SNTB2: variants seen among roughly 807,000 people sequenced by gnomAD.
SNTB2 encodes beta-2-syntrophin.
SNTB2 carries 34 observed loss-of-function variants against 46.2 expected under a neutral mutation model. The observed-to-expected ratio is 0.74, with a 90% CI of 0.56 to 0.98. The LOEUF (loss-of-function observed/expected upper bound fraction) is 0.98. Among genes scored for constraint, SNTB2 ranks in the 50% least tolerant of loss-of-function variants. SNTB2 has a pLI of 0.00. For missense variants in SNTB2, 603 were observed against 731.4 expected (o/e 0.82, Z 2.02); for synonymous variants, 290 against 312.6 (o/e 0.93, Z 0.76).
At chr16:69,197,716 T>A in intron 1 of SNTB2, among the ~76,000 whole-genome samples, 1 of 152,210 alleles carries the variant, frequency 6.6e-6, no homozygotes, top group East Asian at 1.9e-4. Flanking sequence ...TGAAACAAAA[T>A]CTGTTTTACT....
chr16:69,297,352 GC>G (rs1965236604), intron 5 of SNTB2, among the ~76,000 whole-genome samples: 1 of 148,434 alleles, frequency 6.7e-6, no homozygotes, highest in Non-Finnish European at 1.5e-5. Context: ...GGGCACGGTG[GC>G]TCATGCCTAT....
At chr16:69,296,491 C>T (rs1460838193) in intron 5 of SNTB2, among the ~76,000 whole-genome samples, 8 of 151,822 alleles carry the variant, frequency 5.3e-5, no homozygotes, top group Non-Finnish European at 7.4e-5. Context: ...GAGGCCGAGG[C>T]GGGTGGATTA....
At position 69,198,837 on chromosome 16, in the gene SNTB2, T is replaced by C. The variant is rs191109681; in HGVS notation, c.580+11091T>C. The stretch of plus-strand genomic sequence containing the variant: ...TAAATATGAAATAGAGAATGAAGAG[T>C]TAATATGAACTGACTGTACGCAAAT... On this transcript the variant is annotated intron_variant, in intron 1 of 6. Transcript: ENST00000336278. 2.6e-5 allele frequency among the ~76,000 whole-genome samples: 4 copies of C among 152,146 alleles called. No individual in the cohort carries two copies. The East Asian group carries it at 5.8e-4, about 22-fold the overall frequency.
At chr16:69,234,950 G>T (rs551364793) in intron 1 of SNTB2, among the ~76,000 whole-genome samples, 3 of 152,052 alleles carry the variant, frequency 2.0e-5, no homozygotes, top group African/African-American at 4.8e-5. Flanking sequence ...TGATCCACCC[G>T]CTCTGGCCTC....
intron 1 of SNTB2, among the ~76,000 whole-genome samples, chr16:69,243,927 A>ACTT (rs1964643186): frequency 6.6e-6 from 1 of 152,180 alleles, no homozygotes. Flanking sequence ...AATCTTTTTT[A>ACTT]ATAACGTATA....
chr16:69,292,369 T>TAAA (rs1338051003), intron 5 of SNTB2, among the ~76,000 whole-genome samples: 5,861 of 32,046 alleles, frequency 0.18, 1,030 homozygotes, highest in Non-Finnish European at 0.23. Flanking sequence ...TATATATATA[T>TAAA]ATATATATAT....
chr16:69,284,059 CT>C lies in SNTB2; in HGVS notation c.1161del (p.Gly388AlafsTer55). 6.2e-7 allele frequency: 1 copy of C among 1,611,612 alleles called. No individual in the cohort carries two copies. The highest frequency in any genetic ancestry group is 8.5e-7 in the Non-Finnish European group (1 of 1,178,502). On this transcript the variant is annotated frameshift_variant, in exon 5 of 7. Transcript: ENST00000336278. LOFTEE classifies it high-confidence loss of function. ...YPLVATRLVH[S>X]GSGCRSPSLG... ...GTTTGTGGTCCTAGGTTGGTTCATT[CT>C]GGCTCCGGATGTCGATCCCCCTCCC...
At chr16:69,229,811 C>T (rs1278118676) in intron 1 of SNTB2, among the ~76,000 whole-genome samples, 2 of 145,104 alleles carry the variant, frequency 1.4e-5, no homozygotes, top group Non-Finnish European at 3.0e-5. Flanking sequence ...CACTGCACTC[C>T]AGCCTGGGTG....
At chr16:69,245,564 A>T (rs1333925924) in intron 1 of SNTB2, 38 bp from the exon 2 acceptor site, 3 of 1,596,078 alleles carry the variant, frequency 1.9e-6, no homozygotes, top group Non-Finnish European at 2.6e-6. Context: ...ATAGGAAGCA[A>T]AATTACTAAC....
chr16:69,272,104 G>GA (rs369122756), intron 4 of SNTB2, among the ~76,000 whole-genome samples: 1 of 152,102 alleles, frequency 6.6e-6, no homozygotes, highest in African/African-American at 2.4e-5. Flanking sequence ...GTTAACAAGA[G>GA]AAAAAATAGA....
At chr16:69,281,484 G>GT (rs1965043374) in intron 4 of SNTB2, among the ~76,000 whole-genome samples, 3 of 131,710 alleles carry the variant, frequency 2.3e-5, no homozygotes, top group Admixed American at 7.4e-5. Flanking sequence ...TGTAAGGTCT[G>GT]GTTTTTTTTT....
intron 1 of SNTB2, among the ~76,000 whole-genome samples, chr16:69,189,716 G>GC (rs1417502870): frequency 6.6e-6 from 1 of 152,206 alleles, no homozygotes; most frequent in Non-Finnish European, 1.5e-5. Flanking sequence ...CAGCATGGAT[G>GC]CCCAGCCTGG....
chr16:69,232,371 A>AATTTT, intron 1 of SNTB2, among the ~76,000 whole-genome samples: 1 of 150,506 alleles, frequency 6.6e-6, no homozygotes. Context: ...ACGCCCGGCT[A>AATTTT]ATTTTTTGTA....
chr16:69,204,378 G>A (rs1302734414), intron 1 of SNTB2, among the ~76,000 whole-genome samples: 3 of 152,196 alleles, frequency 2.0e-5, no homozygotes, highest in African/African-American at 4.8e-5. Context: ...TCTTTGGGTT[G>A]TGTGCCATCA....
intron 5 of SNTB2, among the ~76,000 whole-genome samples, chr16:69,286,848 C>T (rs1965108238): frequency 6.6e-6 from 1 of 152,108 alleles, no homozygotes; most frequent in Non-Finnish European, 1.5e-5. Flanking sequence ...AGCCACTGTA[C>T]TCCAGCCTGG....
At chr16:69,298,792 G>T (rs145669591) in intron 5 of SNTB2, among the ~76,000 whole-genome samples, 3,226 of 152,104 alleles carry the variant, frequency 0.021, 121 homozygotes, top group African/African-American at 0.073. Context: ...AAAGTGCTGG[G>T]ATTACAGGTG....
rs1965302285 is a variant in SNTB2 at position 69,304,658 on chromosome 16, C to T, written c.*3734C>T. 6.6e-6 allele frequency: 1 copy of T among 151,690 alleles called. No individual in the cohort carries two copies. Among genetic ancestry groups the T allele is most frequent in the African/African-American group, 2.4e-5 (1 of 41,414 alleles). 9.4% of individuals were successfully genotyped at this position (151,690 alleles called of 1,614,324 possible). On this transcript the variant is annotated 3_prime_UTR_variant, in exon 7 of 7. Transcript: ENST00000336278. ...CTTAGCTGATAAACCAGAATTTGTT[C>T]TTTTTTTTCCTTCTTTTTTTTTTGA...
intron 5 of SNTB2, among the ~76,000 whole-genome samples, chr16:69,298,558 G>A (rs1965248776): frequency 1.9e-5 from 2 of 106,466 alleles, no homozygotes; most frequent in Non-Finnish European, 1.7e-5. Context: ...TCTCGCTCTT[G>A]TCACCCAGGC....
chr16:69,231,597 A>G (rs1964507035), intron 1 of SNTB2, among the ~76,000 whole-genome samples: 1 of 152,250 alleles, frequency 6.6e-6, no homozygotes, highest in Non-Finnish European at 1.5e-5. Context: ...CTCAAAACAA[A>G]TGAACAAACA....
Sources: allele counts gnomAD v4.1 joint callset (sites outside exome capture counted in the v4.1 genomes callset), GRCh38; gene constraint gnomAD v4.1.1; transcripts MANE v1.5; gene names NCBI Gene and HGNC (gene_info 2026-07-23, HGNC 2026-07-21).